LRFN5: variants seen among roughly 807,000 people sequenced by gnomAD.
LRFN5 encodes leucine rich repeat and fibronectin type III domain containing 5.
LRFN5 carries 24 observed loss-of-function variants against 45.6 expected under a neutral mutation model. The observed-to-expected ratio is 0.53, with a 90% CI of 0.38 to 0.74. The LOEUF (loss-of-function observed/expected upper bound fraction) is 0.74. LRFN5 is among the 30% of genes least tolerant of loss of function. The pLI is 0.00. For synonymous variants in LRFN5, 340 were observed against 313.8 expected, an observed-to-expected ratio of 1.08 and a Z score of -0.88; for missense variants, 776 against 861.5, an observed-to-expected ratio of 0.90 and a Z score of 1.24.
At chr14:41,611,171 C>T (rs1255712706) in intron 1 of LRFN5, among the ~76,000 whole-genome samples, 1 of 152,162 alleles carries the variant, frequency 6.6e-6, no homozygotes, top group Admixed American at 6.5e-5. Context: ...GCTCAGAAAC[C>T]TGAACATAGA....
chr14:41,694,442 T>G (rs1882513082), intron 1 of LRFN5, among the ~76,000 whole-genome samples: 1 of 151,960 alleles, frequency 6.6e-6, no homozygotes, highest in Admixed American at 6.6e-5. Context: ...CGTGCAGTAT[T>G]TGTCTTTCTG....
intron 1 of LRFN5, among the ~76,000 whole-genome samples, chr14:41,721,723 G>A (rs944471918): frequency 7.9e-5 from 12 of 152,096 alleles, no homozygotes; most frequent in Non-Finnish European, 1.5e-4. Context: ...TAAGATTTAT[G>A]CAGAAAAGTC....
At chr14:41,771,491 G>C (rs370503548) in intron 2 of LRFN5, among the ~76,000 whole-genome samples, 1 of 151,914 alleles carries the variant, frequency 6.6e-6, no homozygotes, top group South Asian at 2.1e-4. Context: ...ATATAATTTA[G>C]GCTGTTAGAA....
At chr14:41,879,962 G>T (rs1169904180) in intron 2 of LRFN5, among the ~76,000 whole-genome samples, 5 of 110,696 alleles carry the variant, frequency 4.5e-5, no homozygotes, top group Non-Finnish European at 8.4e-5. Context: ...TCACTCTGTT[G>T]CCCAGGCTGG....
At position 41,888,755 on chromosome 14, in the gene LRFN5, G is replaced by A. The variant is rs913558364; in HGVS notation, c.1385+745G>A. On this transcript the variant is annotated intron_variant, in intron 3 of 5. Coordinates refer to ENST00000298119, the MANE Select transcript of LRFN5 (RefSeq NM_152447.5). ...CTGGAATTAGGTATGTAATATCCAA[G>A]TAAGGATGATGATGGAGAATTTGCA... Among the ~76,000 whole-genome samples, 23 of 152,076 alleles carry A rather than the reference G, an allele frequency of 1.5e-4. 1 individual carries two copies. Among genetic ancestry groups the A allele is most frequent in the African/African-American group, 3.9e-4 (16 of 41,400 alleles).
intron 2 of LRFN5, among the ~76,000 whole-genome samples, chr14:41,771,552 A>G (rs79241500): frequency 7.9e-5 from 12 of 151,996 alleles, no homozygotes; most frequent in Non-Finnish European, 1.5e-4. Context: ...TTTTTCTGCC[A>G]GATACCCTAA....
At chr14:41,795,224 G>A (rs1456073099) in intron 2 of LRFN5, among the ~76,000 whole-genome samples, 1 of 152,024 alleles carries the variant, frequency 6.6e-6, no homozygotes, top group Non-Finnish European at 1.5e-5. Flanking sequence ...AAACCACAAT[G>A]AGATACCATC....
chr14:41,674,191 C>T (rs1223439354), intron 1 of LRFN5, among the ~76,000 whole-genome samples: 14 of 116,552 alleles, frequency 1.2e-4, no homozygotes, highest in African/African-American at 2.7e-4. Flanking sequence ...GGCGGCTGGC[C>T]GGGCGGGGGG....
At chr14:41,898,357 G>A (rs564509584) in intron 4 of LRFN5, among the ~76,000 whole-genome samples, 100 of 152,120 alleles carry the variant, frequency 6.6e-4, no homozygotes, top group African/African-American at 2.0e-3. Flanking sequence ...AAGGTTGTTC[G>A]TATTTAGAAT....
At chr14:41,718,092 G>A (rs1883564337) in intron 1 of LRFN5, among the ~76,000 whole-genome samples, 1 of 152,128 alleles carries the variant, frequency 6.6e-6, no homozygotes, top group Non-Finnish European at 1.5e-5. Flanking sequence ...ACATTGTAAT[G>A]CATGTAGTGG....
At position 41,887,782 on chromosome 14, in the gene LRFN5, A is replaced by G. The variant is rs768756552; in HGVS notation, c.1157A>G (p.His386Arg). Reference protein sequence around the residue: ...KLPHLLNSTNHIHEPDPGSSD... With the variant: ...KLPHLLNSTNRIHEPDPGSSD... Reference sequence around the variant, plus strand: ...CCTCACTTACTAAATAGTACAAACCATATCCATGAGCCTGATCCTGGTTCT... The same window carrying G: ...CCTCACTTACTAAATAGTACAAACCGTATCCATGAGCCTGATCCTGGTTCT... Residue 386 changes from histidine (H) to arginine (R), a missense_variant, in exon 3 of 6, where the codon CAT (histidine) becomes CGT (arginine). Transcript: ENST00000298119. The surrounding 1 kb of genome is among the most constrained non-coding windows in gnomAD (Gnocchi z 4.8). The G allele has an allele frequency of 1.9e-6, 3 of 1,613,976 alleles. No homozygotes were observed. Among genetic ancestry groups the G allele is most frequent in the Non-Finnish European group, 2.5e-6 (3 of 1,179,994 alleles).
intron 1 of LRFN5, among the ~76,000 whole-genome samples, chr14:41,737,544 A>G (rs1270585191): frequency 2.0e-5 from 3 of 152,150 alleles, no homozygotes; most frequent in Non-Finnish European, 2.9e-5. Context: ...TTCAAATAGG[A>G]GAGAGGAAAT....
chr14:41,669,034 G>C (rs1327616526), intron 1 of LRFN5, among the ~76,000 whole-genome samples: 1 of 152,144 alleles, frequency 6.6e-6, no homozygotes, highest in Non-Finnish European at 1.5e-5. Context: ...TGGCAGCTAT[G>C]TAATAGAAAT....
At chr14:41,839,252 T>A (rs1888773479) in intron 2 of LRFN5, among the ~76,000 whole-genome samples, 1 of 152,112 alleles carries the variant, frequency 6.6e-6, no homozygotes, top group African/African-American at 2.4e-5. Context: ...GTGAACAAAT[T>A]TACTGAATAC....
At chr14:41,819,681 G>A (rs1888043954) in intron 2 of LRFN5, among the ~76,000 whole-genome samples, 1 of 152,024 alleles carries the variant, frequency 6.6e-6, no homozygotes, top group Admixed American at 6.6e-5. Flanking sequence ...AGAGAGAGGT[G>A]AGATTCCACA....
intron 1 of LRFN5, among the ~76,000 whole-genome samples, chr14:41,712,470 ATCT>A (rs1437674223): frequency 6.6e-6 from 1 of 152,160 alleles, no homozygotes; most frequent in Non-Finnish European, 1.5e-5. Flanking sequence ...GTATCTAGAT[ATCT>A]TCTTCTAAAA....
chr14:41,606,975 G>C lies in LRFN5; in HGVS notation c.-1784G>C, dbSNP rs1887506398. On this transcript the variant is annotated 5_prime_UTR_variant, in exon 1 of 6. Coordinates refer to ENST00000298119, the MANE Select transcript of LRFN5 (RefSeq NM_152447.5). ...CGACGCTTTGGGAAGCCCAGCTCCC[G>C]GGTCCGCCCCGGCCGCGGCCGCAGC... 1.3e-5 allele frequency among the ~76,000 whole-genome samples: 2 copies of C among 151,974 alleles called. No homozygotes were observed. The highest frequency in any genetic ancestry group is 4.1e-4 in the South Asian group (2 of 4,834).
At chr14:41,803,449 T>A (rs762883018) in intron 2 of LRFN5, among the ~76,000 whole-genome samples, 2 of 151,996 alleles carry the variant, frequency 1.3e-5, no homozygotes, top group Non-Finnish European at 2.9e-5. Flanking sequence ...ACTCCTGGGC[T>A]CAAACAATCC....
intron 2 of LRFN5, among the ~76,000 whole-genome samples, chr14:41,846,445 C>T (rs1424071085): frequency 1.3e-5 from 2 of 152,004 alleles, no homozygotes; most frequent in East Asian, 1.9e-4. Context: ...AACAATACAG[C>T]AGGGATTAAC....
Sources: gnomAD v4.1 joint callset for allele counts (sites outside exome capture counted in the v4.1 genomes callset) on GRCh38, gnomAD v4.1.1 for gene constraint, Gnocchi (gnomAD v3.1) non-coding constraint, MANE v1.5 for transcripts, NCBI Gene and HGNC (gene_info 2026-07-23, HGNC 2026-07-21) for gene names.